The following RTL4 variants were observed in gnomAD, a reference collection of about 807,000 sequenced individuals.
RTL4 encodes the protein retrotransposon Gag like 4.
RTL4 carries 4 observed loss-of-function variants against 5.3 expected under a neutral mutation model. The observed-to-expected ratio is 0.75, with a 90% CI of 0.37 to 1.72. RTL4 has a LOEUF of 1.72. Among genes scored for constraint, RTL4 ranks in the 40% most tolerant of loss-of-function variants. The pLI is 0.04. For missense variants in RTL4, 260 were observed against 227.1 expected, an observed-to-expected ratio of 1.14 and a Z score of -0.93; for synonymous variants, 98 against 87.3, an observed-to-expected ratio of 1.12 and a Z score of -0.68.
At chrX:112,324,787 G>A in the RTL4 span, among the ~76,000 whole-genome samples, 2 of 110,886 alleles carry the variant, frequency 1.8e-5, no homozygotes, top group East Asian at 2.9e-4. Flanking sequence ...CTATCTTATA[G>A]AATGTTCCAT....
chrX:112,352,344 T>A, the RTL4 span, among the ~76,000 whole-genome samples: 3 of 110,547 alleles, frequency 2.7e-5, no homozygotes, highest in Non-Finnish European at 5.7e-5. Flanking sequence ...AATGTTCATA[T>A]GGAACCAAAA....
the RTL4 span, among the ~76,000 whole-genome samples, chrX:112,323,285 C>T: frequency 1.8e-5 from 2 of 110,862 alleles, no homozygotes; most frequent in African/African-American, 6.6e-5. Context: ...TGGATTTACT[C>T]TTCAATGAGT....
the RTL4 span, among the ~76,000 whole-genome samples, chrX:112,109,070 G>A: frequency 3.6e-5 from 4 of 111,649 alleles, no homozygotes; most frequent in Admixed American, 3.8e-4. Flanking sequence ...ATGTATAACT[G>A]TTCTTACTCC....
chrX:112,244,609 C>T, the RTL4 span, among the ~76,000 whole-genome samples: 1 of 111,465 alleles, frequency 9.0e-6, no homozygotes, highest in Admixed American at 9.6e-5. Context: ...AAATGGGTCT[C>T]CTGAATATAG....
the RTL4 span, among the ~76,000 whole-genome samples, chrX:112,396,949 G>A: frequency 9.0e-6 from 1 of 111,604 alleles, no homozygotes; most frequent in Middle Eastern, 4.6e-3. Context: ...CTGGGTTCTG[G>A]AATTTGGGGA....
At chrX:112,327,225 T>G in the RTL4 span, among the ~76,000 whole-genome samples, 1 of 111,444 alleles carries the variant, frequency 9.0e-6, no homozygotes, top group Non-Finnish European at 1.9e-5. Context: ...GGGAGGACAT[T>G]CAAACCAAAG....
the RTL4 span, among the ~76,000 whole-genome samples, chrX:112,277,451 A>C: frequency 2.1e-4 from 24 of 112,133 alleles, no homozygotes; most frequent in Admixed American, 2.2e-3. Context: ...TGGAGGGAAT[A>C]CAAGAGCAAT....
At chrX:112,128,583 C>T in the RTL4 span, among the ~76,000 whole-genome samples, 4 of 103,130 alleles carry the variant, frequency 3.9e-5, no homozygotes, top group Admixed American at 4.3e-4. Flanking sequence ...CGCTTGAACC[C>T]GGAAGTGGAG....
At chrX:112,303,766 A>T in the RTL4 span, among the ~76,000 whole-genome samples, 5 of 108,874 alleles carry the variant, frequency 4.6e-5, no homozygotes, top group South Asian at 4.0e-4. Flanking sequence ...ATAATAATAA[A>T]AAAAATTAAA....
chrX:112,128,659 CAAAAA>C, the RTL4 span, among the ~76,000 whole-genome samples: 9,917 of 41,002 alleles, frequency 0.24, 1,233 homozygotes, highest in African/African-American at 0.49. Flanking sequence ...CTCTGTCTCA[CAAAAA>C]AAAAAAAAAA....
At chrX:112,158,193 G>A in the RTL4 span, among the ~76,000 whole-genome samples, 6 of 111,345 alleles carry the variant, frequency 5.4e-5, no homozygotes, top group African/African-American at 2.0e-4. Context: ...TGTAATCTCA[G>A]CCTAAAGCAG....
the RTL4 span, among the ~76,000 whole-genome samples, chrX:112,444,622 T>C: frequency 8.9e-6 from 1 of 111,905 alleles, no homozygotes; most frequent in African/African-American, 3.2e-5. Context: ...AAATGTTTGG[T>C]TTAAATTCAG....
the RTL4 span, among the ~76,000 whole-genome samples, chrX:112,169,034 TTCTTTC>T: frequency 4.1e-4 from 12 of 29,114 alleles, no homozygotes; most frequent in African/African-American, 1.4e-3. Flanking sequence ...TTCTCTTTCT[TTCTTTC>T]TTTCTTTCTT....
chrX:112,328,646 C>T, the RTL4 span, among the ~76,000 whole-genome samples: 2 of 111,720 alleles, frequency 1.8e-5, no homozygotes, highest in African/African-American at 6.5e-5. Context: ...CTCAGCTCTG[C>T]ACCAAGAGGA....
the RTL4 span, among the ~76,000 whole-genome samples, chrX:112,406,483 A>G: frequency 9.0e-6 from 1 of 111,238 alleles, no homozygotes; most frequent in African/African-American, 3.3e-5. Flanking sequence ...CACTATCATG[A>G]GGACAGTATA....
chrX:112,359,389 A>T, the RTL4 span, among the ~76,000 whole-genome samples: 1 of 111,520 alleles, frequency 9.0e-6, no homozygotes, highest in Non-Finnish European at 1.9e-5. Context: ...GATCTTATTC[A>T]TTTCCCACTT....
chrX:112,362,280 T>C, the RTL4 span, among the ~76,000 whole-genome samples: 644 of 111,829 alleles, frequency 5.8e-3, 4 homozygotes, highest in African/African-American at 0.02. Flanking sequence ...GAAAGGTGTG[T>C]TTCCCTCCAT....
the RTL4 span, among the ~76,000 whole-genome samples, chrX:112,305,452 T>G: frequency 9.1e-6 from 1 of 110,148 alleles, no homozygotes; most frequent in East Asian, 2.8e-4. Flanking sequence ...AAGCTCCACC[T>G]CCCGGGTTCA....
At chrX:112,295,472 A>T in the RTL4 span, among the ~76,000 whole-genome samples, 1 of 112,471 alleles carries the variant, frequency 8.9e-6, no homozygotes, top group Non-Finnish European at 1.9e-5. Context: ...TTTTCCTCAA[A>T]GGGTCATTCC....
Sources: gnomAD v4.1 joint callset for allele counts (sites outside exome capture counted in the v4.1 genomes callset) on GRCh38, gnomAD v4.1.1 for gene constraint, MANE v1.5 for transcripts, NCBI Gene and HGNC (gene_info 2026-07-23, HGNC 2026-07-21) for gene names.